SPHKAP: variants seen among roughly 807,000 people sequenced by gnomAD.
The protein encoded by SPHKAP is A-kinase anchor protein SPHKAP.
Under a neutral mutation model 137.5 loss-of-function variants are expected in SPHKAP, and 67 were observed. That is an observed-to-expected ratio of 0.49 (90% CI 0.40 to 0.60). SPHKAP has a LOEUF of 0.60. Among genes scored for constraint, SPHKAP ranks in the 20% least tolerant of loss-of-function variants. SPHKAP has a pLI of 0.00. For missense variants in SPHKAP, 2,097 were observed against 2,069.3 expected (o/e 1.01, Z -0.26); for synonymous variants, 813 against 785.3 (o/e 1.04, Z -0.59).
intron 1 of SPHKAP, among the ~76,000 whole-genome samples, chr2:228,144,573 T>C (rs868460104): frequency 6.6e-6 from 1 of 152,012 alleles, no homozygotes; most frequent in Non-Finnish European, 1.5e-5. Context: ...ATTTAATATA[T>C]ACTATTTTGT....
chr2:228,181,060 TGGG>T lies in SPHKAP; in HGVS notation c.32+504_32+506del, dbSNP rs2106440745. On this transcript the variant is annotated intron_variant, in intron 1 of 11. Coordinates refer to ENST00000392056, the MANE Select transcript of SPHKAP (RefSeq NM_001142644.2). The surrounding 1 kb of genome is among the most constrained non-coding windows in gnomAD (Gnocchi z 4.3). ...TCTGCCCTGTCTTAAGATCTCGCTT[TGGG>T]GGCAGTCTAGGTGTCGGTCGGGGGT... 6.6e-6 allele frequency among the ~76,000 whole-genome samples: 1 copy of T among 152,078 alleles called. No individual in the cohort carries two copies. Among genetic ancestry groups the T allele is most frequent in the African/African-American group, 2.4e-5 (1 of 41,494 alleles).
intron 2 of SPHKAP, among the ~76,000 whole-genome samples, chr2:228,128,528 C>A (rs1360244974): frequency 2.6e-5 from 4 of 152,114 alleles, no homozygotes; most frequent in Admixed American, 1.3e-4. Flanking sequence ...GACCTTCTTC[C>A]ATGAACCATA....
intron 2 of SPHKAP, among the ~76,000 whole-genome samples, chr2:228,116,554 T>C (rs968521340): frequency 2.0e-5 from 3 of 152,164 alleles, no homozygotes; most frequent in African/African-American, 7.2e-5. Context: ...TATATAATTC[T>C]CTCATAAGAC....
At position 227,981,823 on chromosome 2, in the gene SPHKAP, C is replaced by T; in HGVS notation, c.4997G>A (p.Trp1666Ter). The stretch of plus-strand genomic sequence containing the variant: ...TGCATGGAAGATATCACCCACTTTC[C>T]AGGACTTCCGATGAACCAGCTGCAC... The part of the protein sequence containing the change: ...DVVQLVHRKS[W>*]KVGDIFHAVV... The change falls in exon 12 of 12, where the codon TGG (tryptophan) becomes TAG (stop). Residue 1666 changes from tryptophan (W) to a stop codon, truncating the protein, a stop_gained. Transcript: ENST00000392056. LOFTEE classifies it high-confidence loss of function. 6.2e-7 allele frequency: 1 copy of T among 1,613,654 alleles called. No homozygotes were observed. The highest frequency in any genetic ancestry group is 8.5e-7 in the Non-Finnish European group (1 of 1,179,762).
chr2:228,033,889 G>A (rs1333404369), intron 3 of SPHKAP, among the ~76,000 whole-genome samples: 1 of 152,172 alleles, frequency 6.6e-6, no homozygotes, highest in Non-Finnish European at 1.5e-5. Context: ...AGTATGTAGA[G>A]GGAAATTTAT....
intron 1 of SPHKAP, among the ~76,000 whole-genome samples, chr2:228,180,724 G>T (rs149030994): frequency 0.011 from 1,676 of 152,292 alleles, 17 homozygotes; most frequent in Middle Eastern, 0.068. Flanking sequence ...TGCCCGGCTG[G>T]GGGAGCAGGC....
chr2:228,045,982 G>T (rs1189239802), intron 3 of SPHKAP, among the ~76,000 whole-genome samples: 1 of 152,062 alleles, frequency 6.6e-6, no homozygotes, highest in East Asian at 1.9e-4. Context: ...CAGTTCTGGA[G>T]ATCTAATGTA....
rs150032585 is a variant in SPHKAP at position 228,084,500 on chromosome 2, G to A, written c.246+24332C>T. Among the ~76,000 whole-genome samples the A allele has an allele frequency of 1.8e-4, 27 of 152,186 alleles. 2 individuals are homozygous for A. In the East Asian group the frequency reaches 5.2e-3, roughly 29 times the overall value. ...ATATTGTTTATTATAAATGGTATAA[G>A]TTTTGTTTTGTTTTCAAACAAATGA... On this transcript the variant is annotated intron_variant, in intron 3 of 11. Coordinates refer to ENST00000392056, the MANE Select transcript of SPHKAP (RefSeq NM_001142644.2).
chr2:228,162,591 C>T (rs1295712908), intron 1 of SPHKAP, among the ~76,000 whole-genome samples: 1 of 152,156 alleles, frequency 6.6e-6, no homozygotes. Context: ...TTGTATAGCA[C>T]ACATACATTA....
chr2:227,983,859 A>G (rs1341711735), intron 11 of SPHKAP, among the ~76,000 whole-genome samples: 1 of 152,154 alleles, frequency 6.6e-6, no homozygotes, highest in Admixed American at 6.5e-5. Flanking sequence ...GGCAAGCAGC[A>G]AAATAAAAGC....
At chr2:228,058,370 T>G (rs1207717840) in intron 3 of SPHKAP, among the ~76,000 whole-genome samples, 1 of 152,214 alleles carries the variant, frequency 6.6e-6, no homozygotes, top group Non-Finnish European at 1.5e-5. Flanking sequence ...CCATTATACC[T>G]GCATTATAAC....
intron 2 of SPHKAP, among the ~76,000 whole-genome samples, chr2:228,111,509 G>A (rs1698515692): frequency 6.6e-6 from 1 of 152,156 alleles, no homozygotes; most frequent in African/African-American, 2.4e-5. Context: ...TTTCAGATGT[G>A]TGATGGCAAA....
rs182936523 is a variant in SPHKAP, at chr2:227,992,576, T to G, written c.4721+958A>C. On this transcript the variant is annotated intron_variant, in intron 9 of 11. Coordinates refer to ENST00000392056, the MANE Select transcript of SPHKAP (RefSeq NM_001142644.2). ...AATAAATTTACCCCAAGGTAGTTTT[T>G]GTTTGTTTTGGTTTTTGGTTTCTCC... 3.8e-3 allele frequency among the ~76,000 whole-genome samples: 573 copies of G among 152,310 alleles called. 11 individuals carry two copies. Among genetic ancestry groups the G allele is most frequent in the Non-Finnish European group, 3.1e-3 (210 of 68,036 alleles).
chr2:228,111,817 C>T (rs12620112), intron 2 of SPHKAP, among the ~76,000 whole-genome samples: 51,931 of 151,490 alleles, frequency 0.34, 9,094 homozygotes, highest in East Asian at 0.5. Context: ...TGTGAAATTA[C>T]AGAAGAGGGC....
chr2:227,993,745 G>C, intron 8 of SPHKAP, 125 bp from the exon 9 acceptor site: 1 of 790,256 alleles, frequency 1.3e-6, no homozygotes, highest in South Asian at 1.6e-5. Context: ...TTTGTGCCTA[G>C]GACACCTCAA....
chr2:228,090,025 G>C (rs1697670541), intron 3 of SPHKAP, among the ~76,000 whole-genome samples: 1 of 152,190 alleles, frequency 6.6e-6, no homozygotes, highest in South Asian at 2.1e-4. Context: ...CTGCCTAATG[G>C]AACTGTGGGA....
rs753681665 is a variant in SPHKAP at position 228,018,427 on chromosome 2, C to T, written c.2427G>A (p.Thr809=). The change falls in exon 7 of 12, where the codon ACG becomes ACA. Residue 809 remains threonine (T), a synonymous_variant. Transcript: ENST00000392056. The part of the protein sequence containing the change: ...GVRPGLFKNP[T]LQSQLSRSHR... The stretch of plus-strand genomic sequence containing the variant: ...GACTACGTGATAATTGTGACTGCAG[C>T]GTGGGGTTCTTGAAGAGGCCTGGCC... The T allele has an allele frequency of 1.5e-5, 25 of 1,613,762 alleles. No individual in the cohort carries two copies. In the South Asian group the frequency reaches 2.2e-4, roughly 14 times the overall value.
intron 3 of SPHKAP, among the ~76,000 whole-genome samples, chr2:228,047,745 A>G (rs1224061337): frequency 6.6e-6 from 1 of 152,200 alleles, no homozygotes; most frequent in East Asian, 1.9e-4. Context: ...GGTGGGCTAA[A>G]CTAGTCTAAC....
chr2:228,065,347 G>T (rs557349326), intron 3 of SPHKAP, among the ~76,000 whole-genome samples: 18 of 152,268 alleles, frequency 1.2e-4, no homozygotes, highest in African/African-American at 4.3e-4. Flanking sequence ...TTGACAGAAA[G>T]GAGGTACCAG....
Sources: allele counts gnomAD v4.1 joint callset (sites outside exome capture counted in the v4.1 genomes callset), GRCh38; gene constraint gnomAD v4.1.1; non-coding constraint Gnocchi (gnomAD v3.1); transcripts MANE v1.5; gene names NCBI Gene and HGNC (gene_info 2026-07-23, HGNC 2026-07-21).